BTBD9: variants seen among roughly 807,000 people sequenced by gnomAD.
BTBD9 encodes the protein BTB domain containing 9, also known as BTB/POZ domain-containing protein 9.
BTBD9 carries 49 observed loss-of-function variants against 64.3 expected under a neutral mutation model. The observed-to-expected ratio is 0.76, with a 90% CI of 0.61 to 0.97. The LOEUF is 0.97. BTBD9 is among the 50% of genes least tolerant of loss of function. The probability of loss-of-function intolerance (pLI) is 0.00; values close to 1 mark genes in which losing one functional copy is unlikely to be tolerated. For missense variants in BTBD9, 598 were observed against 762.1 expected (o/e 0.78, Z 2.53); for synonymous variants, 260 against 274.7 (o/e 0.95, Z 0.53).
intron 6 of BTBD9, among the ~76,000 whole-genome samples, chr6:38,515,323 T>A (rs1308590841): frequency 3.9e-5 from 6 of 152,202 alleles, no homozygotes; most frequent in Non-Finnish European, 8.8e-5. Flanking sequence ...CAACATTTCC[T>A]CTTACATCAT....
At chr6:38,198,084 T>C (rs887230405) in intron 9 of BTBD9, among the ~76,000 whole-genome samples, 10 of 152,306 alleles carry the variant, frequency 6.6e-5, no homozygotes, top group South Asian at 2.1e-4. Flanking sequence ...ATTCTGGGGA[T>C]AAGTATGTGA....
At chr6:38,178,988 G>A (rs1761417205) in intron 10 of BTBD9, among the ~76,000 whole-genome samples, 2 of 152,094 alleles carry the variant, frequency 1.3e-5, no homozygotes, top group Admixed American at 1.3e-4. Context: ...AAGTAGCTGA[G>A]ACTACAGGCA....
chr6:38,186,461 T>C (rs1002388394), intron 10 of BTBD9, among the ~76,000 whole-genome samples: 1 of 152,214 alleles, frequency 6.6e-6, no homozygotes, highest in Non-Finnish European at 1.5e-5. Context: ...CATATGACTA[T>C]AGAAACTCTG....
intron 8 of BTBD9, among the ~76,000 whole-genome samples, chr6:38,274,702 A>G (rs1013824423): frequency 2.6e-5 from 4 of 152,112 alleles, no homozygotes; most frequent in Non-Finnish European, 4.4e-5. Flanking sequence ...CGTATGTTGA[A>G]CCAGCCTTGC....
chr6:38,270,793 C>A (rs1027063069), intron 8 of BTBD9, among the ~76,000 whole-genome samples: 5 of 152,160 alleles, frequency 3.3e-5, no homozygotes, highest in Admixed American at 6.5e-5. Flanking sequence ...TCTCCTTGGG[C>A]CTCTGATGGA....
At chr6:38,396,954 T>G (rs1040490787) in intron 6 of BTBD9, among the ~76,000 whole-genome samples, 2 of 145,656 alleles carry the variant, frequency 1.4e-5, no homozygotes, top group African/African-American at 5.1e-5. Context: ...CAGCCTGGAG[T>G]GTAGTGGCGC....
chr6:38,472,455 C>G (rs1445822560), intron 6 of BTBD9, among the ~76,000 whole-genome samples: 1 of 152,012 alleles, frequency 6.6e-6, no homozygotes, highest in Non-Finnish European at 1.5e-5. Flanking sequence ...GAGTTGGTTA[C>G]TGAAAAGGAG....
intron 6 of BTBD9, among the ~76,000 whole-genome samples, chr6:38,412,728 G>C (rs1322889357): frequency 2.0e-5 from 3 of 152,056 alleles, no homozygotes; most frequent in Non-Finnish European, 4.4e-5. Flanking sequence ...ATGTGATGGC[G>C]TGTGCCTATA....
At chr6:38,482,309 AC>A (rs1186825068) in intron 6 of BTBD9, 1 of 151,676 alleles carries the variant, frequency 6.6e-6, no homozygotes, top group East Asian at 1.9e-4. Flanking sequence ...TGTGCTTCCC[AC>A]CAAAGCATGC....
intron 6 of BTBD9, among the ~76,000 whole-genome samples, chr6:38,386,248 A>C (rs1343337043): frequency 6.6e-6 from 1 of 152,196 alleles, no homozygotes; most frequent in Non-Finnish European, 1.5e-5. Flanking sequence ...TTCATGTCAG[A>C]ATAAATTTAA....
chr6:38,222,257 G>GTTTTTTTTTTTTTTTTTTTTTTTTTTTTT (rs1156925177), intron 9 of BTBD9, among the ~76,000 whole-genome samples: 1 of 114,336 alleles, frequency 8.7e-6, no homozygotes, highest in Non-Finnish European at 1.7e-5. Flanking sequence ...TCATTCAGTT[G>GTTTTTTTTTTTTTTTTTTTTTTTTTTTTT]TTTTTTTTTT....
At chr6:38,492,378 C>T (rs1771742568) in intron 6 of BTBD9, among the ~76,000 whole-genome samples, 1 of 152,156 alleles carries the variant, frequency 6.6e-6, no homozygotes, top group African/African-American at 2.4e-5. Context: ...GCCCCATTTC[C>T]TTCAATATAA....
At chr6:38,511,185 T>C (rs1772755795) in intron 6 of BTBD9, among the ~76,000 whole-genome samples, 1 of 152,176 alleles carries the variant, frequency 6.6e-6, no homozygotes. Flanking sequence ...TAATTGTTAC[T>C]GTTCCCTCTG....
chr6:38,520,293 A>C (rs779583810), intron 6 of BTBD9, among the ~76,000 whole-genome samples: 4 of 152,076 alleles, frequency 2.6e-5, no homozygotes, highest in Non-Finnish European at 5.9e-5. Flanking sequence ...ATTTCTACTA[A>C]AAATAAAATG....
chr6:38,376,034 A>G (rs1765685276), intron 6 of BTBD9, among the ~76,000 whole-genome samples: 1 of 152,222 alleles, frequency 6.6e-6, no homozygotes, highest in Non-Finnish European at 1.5e-5. Context: ...CATGTTCAAT[A>G]TAACCAGAAA....
At chr6:38,431,003 T>C (rs920511599) in intron 6 of BTBD9, among the ~76,000 whole-genome samples, 14 of 151,992 alleles carry the variant, frequency 9.2e-5, no homozygotes, top group Non-Finnish European at 1.2e-4. Flanking sequence ...TTCCCTTCTG[T>C]CCTTTGACAG....
intron 6 of BTBD9, among the ~76,000 whole-genome samples, chr6:38,387,623 T>C (rs1766234493): frequency 6.6e-6 from 1 of 152,190 alleles, no homozygotes; most frequent in Admixed American, 6.5e-5. Flanking sequence ...CTAATATGCA[T>C]GATTCAGCAG....
At chr6:38,372,098 A>G (rs1457529104) in intron 6 of BTBD9, among the ~76,000 whole-genome samples, 4 of 152,204 alleles carry the variant, frequency 2.6e-5, no homozygotes, top group Admixed American at 6.5e-5. Flanking sequence ...CAAAATGCAC[A>G]TAATTCACCA....
At chr6:38,198,814 T>C (rs1476029175) in intron 9 of BTBD9, among the ~76,000 whole-genome samples, 1 of 152,186 alleles carries the variant, frequency 6.6e-6, no homozygotes, top group Non-Finnish European at 1.5e-5. Context: ...TATATATTAA[T>C]TAATTAATAC....
Sources: gnomAD v4.1 joint callset for allele counts (sites outside exome capture counted in the v4.1 genomes callset) on GRCh38, gnomAD v4.1.1 for gene constraint, MANE v1.5 for transcripts, NCBI Gene and HGNC (gene_info 2026-07-23, HGNC 2026-07-21) for gene names.